SLC5A10: variants seen among roughly 807,000 people sequenced by gnomAD.
The protein encoded by SLC5A10 is sodium/mannose cotransporter SLC5A10.
A neutral mutation model predicts 68.9 loss-of-function variants in SLC5A10; 55 were observed. That is an observed-to-expected ratio of 0.80 (90% confidence interval 0.64 to 1.00). The LOEUF (loss-of-function observed/expected upper bound fraction) is 1.00, where lower values mean the gene tolerates loss of function less well. SLC5A10 is among the 50% of genes least tolerant of loss of function. The pLI, the probability that SLC5A10 is intolerant of heterozygous loss-of-function variation, is 0.00. For synonymous variants in SLC5A10, 344 were observed against 344.8 expected (o/e 1.00, Z 0.02); for missense variants, 732 against 819.3 (o/e 0.89, Z 1.30).
chr17:18,977,575 C>T, intron 9 of SLC5A10: 1 of 1,605,436 alleles, frequency 6.2e-7, no homozygotes. Flanking sequence ...TGCAGGGACC[C>T]TGACCCACCT....
In SLC5A10 at chr17:19,013,721, A is replaced by G. The variant is rs2044071559; in HGVS notation, c.1090+204A>G. 2.0e-5 allele frequency among the ~76,000 whole-genome samples: 3 copies of G among 150,830 alleles called. No homozygotes were observed. The South Asian group carries it at 6.3e-4, about 32-fold the overall frequency. On this transcript the variant is annotated intron_variant, in intron 10 of 14. Coordinates refer to ENST00000395645, the MANE Select transcript of SLC5A10 (RefSeq NM_001042450.4). Reference sequence around the variant, plus strand: ...CTCAGCGTTGTTGCTGGGATTAAACATAATGACACAGGGAAAATGCTGGGT... The same window carrying G: ...CTCAGCGTTGTTGCTGGGATTAAACGTAATGACACAGGGAAAATGCTGGGT...
intron 9 of SLC5A10, chr17:18,988,501 C>G: frequency 6.4e-7 from 1 of 1,565,850 alleles, no homozygotes; most frequent in Non-Finnish European, 8.7e-7. Context: ...CCCTCCCATG[C>G]CACCAGCCTC....
intron 8 of SLC5A10, among the ~76,000 whole-genome samples, chr17:18,972,586 G>A (rs1056933521): frequency 6.6e-6 from 1 of 152,198 alleles, no homozygotes; most frequent in African/African-American, 2.4e-5. Context: ...GACCTGGCCG[G>A]GGGCGGTGGC....
chr17:18,981,604 A>G (rs1597856425), intron 9 of SLC5A10, among the ~76,000 whole-genome samples: 1 of 151,906 alleles, frequency 6.6e-6, no homozygotes, highest in Non-Finnish European at 1.5e-5. Flanking sequence ...CGTGTCCCAG[A>G]CCCCTGTGGC....
chr17:18,992,157 G>A (rs2043442332), intron 9 of SLC5A10, among the ~76,000 whole-genome samples: 1 of 152,102 alleles, frequency 6.6e-6, no homozygotes, highest in Admixed American at 6.5e-5. Context: ...CGCCCCGCCC[G>A]ATGAGCACCT....
intron 9 of SLC5A10, among the ~76,000 whole-genome samples, chr17:19,009,706 C>T (rs1242856039): frequency 6.6e-6 from 1 of 152,142 alleles, no homozygotes; most frequent in East Asian, 1.9e-4. Flanking sequence ...TCAACAGACA[C>T]TGGCAGAAGC....
rs1176935676 is a variant in SLC5A10, at chr17:18,984,332, C to CAAA, written c.982+7363_982+7365dup. On this transcript the variant is annotated intron_variant, in intron 9 of 14. Transcript: ENST00000395645. ...TGGGCGACAGAGCAAGACTCCCTCT[C>CAAA]AAAAAAAAAAAAAAAAAAAAAAGAG... 9.8e-3 allele frequency among the ~76,000 whole-genome samples: 663 copies of CAAA among 67,910 alleles called. 20 individuals carry two copies. The highest frequency in any genetic ancestry group is 0.028 in the South Asian group (56 of 2,026). The allele number at this position is 67,910 out of a possible 152,430, so 44.6% of individuals were successfully genotyped here.
Position 19,021,160 on chromosome 17 carries a change from G to GT in SLC5A10, c.*729_*730insT, listed in dbSNP as rs2044259928. ...TGGCCCCAACTTTCTGTCTGCCCTGGAGGTTTCTCAGCCTCCTGAGAGCTC... is the reference window on the plus strand; with the variant it reads ...TGGCCCCAACTTTCTGTCTGCCCTGGTAGGTTTCTCAGCCTCCTGAGAGCTC... On this transcript the variant is annotated 3_prime_UTR_variant, in exon 15 of 15. Coordinates refer to ENST00000395645, the MANE Select transcript of SLC5A10 (RefSeq NM_001042450.4). The surrounding 1 kb of genome is among the most constrained non-coding windows in gnomAD (Gnocchi z 4.1). 6.6e-6 allele frequency: 1 copy of GT among 152,320 alleles called. No homozygotes were observed. Among genetic ancestry groups the GT allele is most frequent in the South Asian group, 2.1e-4 (1 of 4,834 alleles). The allele number at this position is 152,320 out of a possible 1,614,324, so 9.4% of individuals were successfully genotyped here. A position where few individuals can be genotyped will look rare whatever the true frequency, so the allele number is the denominator to read the frequency against.
intron 8 of SLC5A10, among the ~76,000 whole-genome samples, chr17:18,974,825 G>C (rs568130647): frequency 6.6e-6 from 1 of 152,342 alleles, no homozygotes; most frequent in East Asian, 1.9e-4. Flanking sequence ...GTGAGTGCCG[G>C]CTTCCTCAGG....
chr17:18,992,681 A>G (rs1458674373), intron 9 of SLC5A10, among the ~76,000 whole-genome samples: 1 of 152,180 alleles, frequency 6.6e-6, no homozygotes, highest in Middle Eastern at 3.2e-3. Flanking sequence ...TGGGTGAGCC[A>G]CACCTGCGTT....
chr17:18,969,264 G>A, intron 6 of SLC5A10, 78 bp from the exon 7 acceptor site: 1 of 1,580,746 alleles, frequency 6.3e-7, no homozygotes, highest in Admixed American at 1.7e-5. Flanking sequence ...GGCCCCAGCA[G>A]GAGCCCCAGA....
intron 9 of SLC5A10, among the ~76,000 whole-genome samples, chr17:18,991,160 G>A (rs1439098714): frequency 1.3e-5 from 2 of 152,228 alleles, no homozygotes; most frequent in African/African-American, 2.4e-5. Context: ...GGGAGGCCCA[G>A]CTCACTTGTG....
At chr17:18,990,414 G>C (rs906945098) in intron 9 of SLC5A10, among the ~76,000 whole-genome samples, 2 of 152,112 alleles carry the variant, frequency 1.3e-5, no homozygotes, top group Non-Finnish European at 2.9e-5. Flanking sequence ...AATCTCCTTA[G>C]TTAAGCCACT....
Position 19,004,189 on chromosome 17 carries a change from A to G in SLC5A10, c.983-9221A>G. Reference sequence around the variant, plus strand: ...AGCAATCTGCGGGAAAGACCTGATGAGCCCGGCTCGGCGGGGAGGGCGGGC... The same window carrying G: ...AGCAATCTGCGGGAAAGACCTGATGGGCCCGGCTCGGCGGGGAGGGCGGGC... On this transcript the variant is annotated intron_variant, in intron 9 of 14. Transcript: ENST00000395645. The surrounding 1 kb of genome is among the most constrained non-coding windows in gnomAD (Gnocchi z 5.4). 2.4e-5 allele frequency: 9 copies of G among 381,818 alleles called. No homozygotes were observed. The highest frequency in any genetic ancestry group is 1.2e-4 in the East Asian group (1 of 8,604). 23.7% of individuals were successfully genotyped at this position (381,818 alleles called of 1,614,324 possible).
intron 9 of SLC5A10, among the ~76,000 whole-genome samples, chr17:18,997,162 C>T (rs1300595767): frequency 3.9e-5 from 6 of 152,254 alleles, no homozygotes; most frequent in Admixed American, 2.0e-4. Flanking sequence ...GGTCAAGAAG[C>T]CCAGGCTAAT....
At position 18,960,439 on chromosome 17, in the gene SLC5A10, C is replaced by T. The variant is rs968020846; in HGVS notation, c.349-109C>T. 9 of 989,482 alleles carry T rather than the reference C, an allele frequency of 9.1e-6. 1 individual carries two copies. Among genetic ancestry groups the T allele is most frequent in the South Asian group, 5.7e-5 (4 of 70,410 alleles). 61.3% of individuals were successfully genotyped at this position (989,482 alleles called of 1,614,324 possible). Reference sequence around the variant, plus strand: ...GCCTGGGCCTTGCCCTTGAGAGGCTCGCAGCTGCTTTGTGGCGGGGGGAGA... The same window carrying T: ...GCCTGGGCCTTGCCCTTGAGAGGCTTGCAGCTGCTTTGTGGCGGGGGGAGA... On this transcript the variant is annotated intron_variant, in intron 4 of 14. Coordinates refer to ENST00000395645, the MANE Select transcript of SLC5A10 (RefSeq NM_001042450.4).
intron 9 of SLC5A10, chr17:18,978,697 C>T (rs748949766): frequency 1.2e-5 from 19 of 1,612,858 alleles, no homozygotes; most frequent in East Asian, 2.2e-5. Context: ...CAATAGGCTC[C>T]GGCTCCGGTT....
At chr17:18,956,467 T>TG in intron 1 of SLC5A10, among the ~76,000 whole-genome samples, 1 of 93,956 alleles carries the variant, frequency 1.1e-5, no homozygotes, top group Non-Finnish European at 1.9e-5. Flanking sequence ...TTCTTTCTGT[T>TG]TTTTTTTTTT....
At chr17:18,999,968 G>C (rs896079941) in intron 9 of SLC5A10, among the ~76,000 whole-genome samples, 1 of 152,242 alleles carries the variant, frequency 6.6e-6, no homozygotes, top group African/African-American at 2.4e-5. Context: ...GCATCTGCTG[G>C]AGGAGCAACC....
Sources: allele counts gnomAD v4.1 joint callset (sites outside exome capture counted in the v4.1 genomes callset), GRCh38; gene constraint gnomAD v4.1.1; non-coding constraint Gnocchi (gnomAD v3.1); transcripts MANE v1.5; gene names NCBI Gene and HGNC (gene_info 2026-07-23, HGNC 2026-07-21).